Variants in HMGCLL1 observed in about 807,000 individuals in gnomAD.
HMGCLL1 encodes the protein 3-hydroxy-3-methylglutaryl-CoA lyase like 1.
HMGCLL1 carries 36 observed loss-of-function variants against 39.1 expected under a neutral mutation model. The ratio of observed to expected loss-of-function variants is 0.92; its 90% CI spans 0.71 to 1.22. The LOEUF is 1.22. Ranked by LOEUF, HMGCLL1 falls within the 50% of genes most tolerant of loss-of-function variation. The pLI, the probability that HMGCLL1 is intolerant of heterozygous loss-of-function variation, is 0.00. For synonymous variants in HMGCLL1, 149 were observed against 144.0 expected (o/e 1.03, Z -0.25); for missense variants, 451 against 416.5 (o/e 1.08, Z -0.72).
chr6:55,676,099 T>A, the HMGCLL1 span, among the ~76,000 whole-genome samples: 1 of 152,134 alleles, frequency 6.6e-6, no homozygotes, highest in Non-Finnish European at 1.5e-5. Context: ...GAAAGCACAC[T>A]ACATATTTTT....
At chr6:55,551,950 A>G (rs1434361756) in intron 1 of HMGCLL1, among the ~76,000 whole-genome samples, 1 of 152,048 alleles carries the variant, frequency 6.6e-6, no homozygotes, top group Non-Finnish European at 1.5e-5. Context: ...ATTGTCTGTC[A>G]TAATATATTT....
At chr6:55,568,064 A>G (rs941487222) in intron 1 of HMGCLL1, among the ~76,000 whole-genome samples, 10 of 152,170 alleles carry the variant, frequency 6.6e-5, no homozygotes, top group African/African-American at 2.4e-4. Flanking sequence ...AATTCTAAAA[A>G]TGACCTTCAC....
chr6:55,637,411 A>C, the HMGCLL1 span, among the ~76,000 whole-genome samples: 2 of 151,178 alleles, frequency 1.3e-5, no homozygotes, highest in African/African-American at 4.9e-5. Flanking sequence ...ATGCTGTGGT[A>C]GACTAGAATC....
the HMGCLL1 span, among the ~76,000 whole-genome samples, chr6:55,641,842 C>T: frequency 2.1e-3 from 319 of 148,598 alleles, no homozygotes; most frequent in Non-Finnish European, 2.6e-3. Context: ...ATTTCACATT[C>T]CCTCATAATT....
the HMGCLL1 span, among the ~76,000 whole-genome samples, chr6:55,662,249 A>G: frequency 1.5e-4 from 23 of 151,768 alleles, no homozygotes; most frequent in Non-Finnish European, 3.2e-4. Flanking sequence ...AAGAGAGGGC[A>G]TCCTTGTCTT....
At chr6:55,568,778 G>A (rs992341941) in intron 1 of HMGCLL1, among the ~76,000 whole-genome samples, 9 of 151,932 alleles carry the variant, frequency 5.9e-5, no homozygotes, top group African/African-American at 1.9e-4. Flanking sequence ...AAAAACCATG[G>A]GTCATATGAG....
At chr6:55,673,113 A>C in the HMGCLL1 span, among the ~76,000 whole-genome samples, 3 of 151,984 alleles carry the variant, frequency 2.0e-5, no homozygotes, top group Non-Finnish European at 4.4e-5. Context: ...AATATAAACC[A>C]TTTCTCATAA....
the HMGCLL1 span, among the ~76,000 whole-genome samples, chr6:55,626,588 C>T: frequency 1.3e-5 from 2 of 152,106 alleles, no homozygotes; most frequent in South Asian, 2.1e-4. Context: ...TTCATGGGTC[C>T]GGGAATCAAG....
intron 1 of HMGCLL1, among the ~76,000 whole-genome samples, chr6:55,565,430 G>A (rs536400103): frequency 1.3e-5 from 2 of 152,088 alleles, no homozygotes; most frequent in African/African-American, 4.8e-5. Flanking sequence ...TCTATTAATG[G>A]TTAATGTAGT....
chr6:55,532,127 TA>T (rs1168887286), intron 3 of HMGCLL1, among the ~76,000 whole-genome samples: 5 of 152,146 alleles, frequency 3.3e-5, no homozygotes, highest in African/African-American at 1.2e-4. Context: ...ATGTTTTGGT[TA>T]TTTTTTTAAA....
intron 7 of HMGCLL1, among the ~76,000 whole-genome samples, chr6:55,464,467 A>C (rs1306034794): frequency 1.3e-5 from 2 of 152,168 alleles, no homozygotes; most frequent in Non-Finnish European, 2.9e-5. Context: ...TATTTTTAAT[A>C]AATATAACCT....
the HMGCLL1 span, among the ~76,000 whole-genome samples, chr6:55,671,847 G>A: frequency 1.3e-5 from 2 of 151,740 alleles, no homozygotes; most frequent in African/African-American, 4.8e-5. Flanking sequence ...AAAACATAGT[G>A]TAATGAAACA....
chr6:55,516,462 A>T, intron 4 of HMGCLL1, 46 bp downstream of exon 4: 1 of 1,226,690 alleles, frequency 8.2e-7, no homozygotes, highest in Non-Finnish European at 1.2e-6. Context: ...TATCTTTAAA[A>T]CGATAAGAGG....
the HMGCLL1 span, among the ~76,000 whole-genome samples, chr6:55,635,217 T>C: frequency 6.6e-6 from 1 of 152,234 alleles, no homozygotes; most frequent in East Asian, 1.9e-4. Context: ...ATGGAACTTA[T>C]TTAAAGTAAA....
chr6:55,500,769 T>C (rs550976340), intron 5 of HMGCLL1, among the ~76,000 whole-genome samples: 4 of 152,088 alleles, frequency 2.6e-5, no homozygotes, highest in South Asian at 2.1e-4. Context: ...TAAATGAACA[T>C]AACACTGGAG....
At chr6:55,635,882 A>C in the HMGCLL1 span, among the ~76,000 whole-genome samples, 75 of 152,316 alleles carry the variant, frequency 4.9e-4, no homozygotes, top group African/African-American at 1.7e-3. Context: ...AGTTCTGGGC[A>C]CTTGGTAGCG....
chr6:55,658,186 C>A, the HMGCLL1 span, among the ~76,000 whole-genome samples: 1 of 151,882 alleles, frequency 6.6e-6, no homozygotes, highest in Admixed American at 6.6e-5. Flanking sequence ...GAATAGATGA[C>A]AAATTTATGG....
intron 1 of HMGCLL1, among the ~76,000 whole-genome samples, chr6:55,570,918 T>C (rs1036412629): frequency 3.9e-5 from 6 of 152,164 alleles, no homozygotes; most frequent in African/African-American, 1.2e-4. Flanking sequence ...GAAAGGCTCA[T>C]CTTACATGGC....
the HMGCLL1 span, among the ~76,000 whole-genome samples, chr6:55,627,452 G>A: frequency 6.6e-6 from 1 of 151,980 alleles, no homozygotes; most frequent in Non-Finnish European, 1.5e-5. Flanking sequence ...TTAAGATTAT[G>A]TATGATCTCA....
Sources: gnomAD v4.1 joint callset for allele counts (sites outside exome capture counted in the v4.1 genomes callset) on GRCh38, gnomAD v4.1.1 for gene constraint, MANE v1.5 for transcripts, NCBI Gene and HGNC (gene_info 2026-07-23, HGNC 2026-07-21) for gene names.